LHFPL3: variants seen among roughly 807,000 people sequenced by gnomAD.
LHFPL3 encodes the protein LHFPL tetraspan subfamily member 3 protein.
LHFPL3 carries 5 observed loss-of-function variants against 19.3 expected under a neutral mutation model. That is an observed-to-expected ratio of 0.26 (90% CI 0.14 to 0.54). The LOEUF (loss-of-function observed/expected upper bound fraction) is 0.54. LHFPL3 is among the 20% of genes least tolerant of loss of function. LHFPL3 has a pLI of 0.94. For missense variants in LHFPL3, 249 were observed against 307.4 expected, an observed-to-expected ratio of 0.81 and a Z score of 1.42; for synonymous variants, 133 against 126.2, an observed-to-expected ratio of 1.05 and a Z score of -0.36.
chr7:104,374,242 A>G (rs202005668), intron 1 of LHFPL3, among the ~76,000 whole-genome samples: 1 of 137,800 alleles, frequency 7.3e-6, no homozygotes, highest in South Asian at 2.4e-4. Context: ...GTGTGTGTGT[A>G]TACATATATA....
chr7:104,774,780 G>A (rs975137096), intron 2 of LHFPL3, among the ~76,000 whole-genome samples: 1 of 152,150 alleles, frequency 6.6e-6, no homozygotes, highest in African/African-American at 2.4e-5. Context: ...CTTTTACAGA[G>A]TTTTGCTCTG....
chr7:104,504,039 C>T (rs1178969485), intron 1 of LHFPL3, among the ~76,000 whole-genome samples: 1 of 152,172 alleles, frequency 6.6e-6, no homozygotes, highest in Non-Finnish European at 1.5e-5. Context: ...AGATAGTAGT[C>T]AAGTCACCTG....
At chr7:104,389,488 G>A (rs925014712) in intron 1 of LHFPL3, among the ~76,000 whole-genome samples, 2 of 152,070 alleles carry the variant, frequency 1.3e-5, no homozygotes, top group African/African-American at 4.8e-5. Flanking sequence ...AACCTCCAGT[G>A]GTTCCTTTGT....
chr7:104,726,334 A>ATTTT (rs34677235), intron 1 of LHFPL3, among the ~76,000 whole-genome samples: 1 of 148,856 alleles, frequency 6.7e-6, no homozygotes. Flanking sequence ...ACCAAAGACT[A>ATTTT]TTTTTTTTTT....
intron 1 of LHFPL3, among the ~76,000 whole-genome samples, chr7:104,441,310 T>C (rs1792219775): frequency 6.6e-6 from 1 of 152,168 alleles, no homozygotes; most frequent in Non-Finnish European, 1.5e-5. Context: ...GAGGATATTA[T>C]GCTAAATGGA....
intron 1 of LHFPL3, among the ~76,000 whole-genome samples, chr7:104,344,214 T>A (rs926072274): frequency 1.3e-5 from 2 of 152,162 alleles, no homozygotes; most frequent in Non-Finnish European, 2.9e-5. Flanking sequence ...TGAAGCCAAC[T>A]TTGCCATACA....
chr7:104,652,925 G>A (rs1397477577), intron 1 of LHFPL3, among the ~76,000 whole-genome samples: 4 of 152,046 alleles, frequency 2.6e-5, no homozygotes, highest in Non-Finnish European at 5.9e-5. Flanking sequence ...AAATCAGGGA[G>A]GGAGGCTATT....
chr7:104,431,974 G>A (rs1315094349), intron 1 of LHFPL3, among the ~76,000 whole-genome samples: 1 of 152,170 alleles, frequency 6.6e-6, no homozygotes, highest in African/African-American at 2.4e-5. Context: ...GTATACTCCA[G>A]TTCCCTACCC....
At chr7:104,803,299 G>A (rs1790291705) in intron 2 of LHFPL3, among the ~76,000 whole-genome samples, 1 of 152,172 alleles carries the variant, frequency 6.6e-6, no homozygotes, top group African/African-American at 2.4e-5. Context: ...ACAAGTACCA[G>A]TTTCAAATAT....
At chr7:104,344,440 A>G (rs1356294515) in intron 1 of LHFPL3, among the ~76,000 whole-genome samples, 1 of 152,126 alleles carries the variant, frequency 6.6e-6, no homozygotes, top group Non-Finnish European at 1.5e-5. Context: ...TGAATCTCCA[A>G]AGACCATCAT....
intron 1 of LHFPL3, among the ~76,000 whole-genome samples, chr7:104,657,414 A>G (rs1038236765): frequency 6.6e-6 from 1 of 152,268 alleles, no homozygotes; most frequent in African/African-American, 2.4e-5. Context: ...GCAGAAGGTC[A>G]CTGGTTGAAA....
chr7:104,862,098 G>C (rs527632911), intron 2 of LHFPL3, among the ~76,000 whole-genome samples: 3 of 152,000 alleles, frequency 2.0e-5, no homozygotes, highest in Non-Finnish European at 2.9e-5. Context: ...CTATCAAGGG[G>C]TAAAAGGAAA....
intron 1 of LHFPL3, among the ~76,000 whole-genome samples, chr7:104,538,909 G>A (rs1457576178): frequency 6.6e-6 from 1 of 152,160 alleles, no homozygotes; most frequent in Non-Finnish European, 1.5e-5. Flanking sequence ...CTTAAAATCA[G>A]AGAACCTTTC....
At chr7:104,517,225 T>G (rs750675169) in intron 1 of LHFPL3, among the ~76,000 whole-genome samples, 76 of 152,226 alleles carry the variant, frequency 5.0e-4, no homozygotes, top group Non-Finnish European at 9.7e-4. Flanking sequence ...TGAAATAATC[T>G]GTACAACAAA....
intron 1 of LHFPL3, among the ~76,000 whole-genome samples, chr7:104,365,143 T>C (rs1229611731): frequency 6.6e-6 from 1 of 151,900 alleles, no homozygotes; most frequent in Non-Finnish European, 1.5e-5. Context: ...CTACTAAAAA[T>C]ACAAAATTAG....
chr7:104,491,577 C>T (rs375795960), intron 1 of LHFPL3, among the ~76,000 whole-genome samples: 2 of 152,076 alleles, frequency 1.3e-5, no homozygotes, highest in African/African-American at 2.4e-5. Flanking sequence ...GTACCAGATA[C>T]CTGCAGGGGA....
chr7:104,773,282 G>A (rs964649420), intron 2 of LHFPL3, among the ~76,000 whole-genome samples: 3 of 152,228 alleles, frequency 2.0e-5, no homozygotes, highest in African/African-American at 7.2e-5. Context: ...GGTGGGCCCA[G>A]TGAGTTCTGC....
chr7:104,481,408 C>T (rs1343616973), intron 1 of LHFPL3, among the ~76,000 whole-genome samples: 1 of 152,168 alleles, frequency 6.6e-6, no homozygotes, highest in African/African-American at 2.4e-5. Flanking sequence ...GGTGACCATA[C>T]TCCCACTTGT....
chr7:104,416,352 A>G (rs1196455414), intron 1 of LHFPL3, among the ~76,000 whole-genome samples: 1 of 152,216 alleles, frequency 6.6e-6, no homozygotes. Flanking sequence ...ACATTGAGAT[A>G]ACAAATATCT....
Sources: gnomAD v4.1 joint callset for allele counts (sites outside exome capture counted in the v4.1 genomes callset) on GRCh38, gnomAD v4.1.1 for gene constraint, MANE v1.5 for transcripts, NCBI Gene and HGNC (gene_info 2026-07-23, HGNC 2026-07-21) for gene names.